CTNNA3: variants seen among roughly 807,000 people sequenced by gnomAD.
CTNNA3 encodes catenin alpha-3.
A neutral mutation model predicts 95.7 loss-of-function variants in CTNNA3; 76 were observed. The observed-to-expected ratio is 0.79, with a 90% confidence interval of 0.66 to 0.96. CTNNA3 has a LOEUF of 0.96. Ranked by LOEUF, CTNNA3 falls within the 40% of genes least tolerant of loss-of-function variation. The pLI is 0.00. For synonymous variants in CTNNA3, 431 were observed against 374.4 expected, an observed-to-expected ratio of 1.15 and a Z score of -1.74; for missense variants, 1,191 against 1,089.8, an observed-to-expected ratio of 1.09 and a Z score of -1.31.
chr10:66,425,447 T>A (rs182812167), intron 11 of CTNNA3, among the ~76,000 whole-genome samples: 1 of 152,044 alleles, frequency 6.6e-6, no homozygotes, highest in Admixed American at 6.6e-5. Context: ...TGCTCTCTTT[T>A]TTCCTTTTAT....
chr10:66,907,887 T>C (rs900667709), intron 7 of CTNNA3, among the ~76,000 whole-genome samples: 1 of 152,140 alleles, frequency 6.6e-6, no homozygotes, highest in Non-Finnish European at 1.5e-5. Flanking sequence ...AAGGCTATCA[T>C]AGGAACTGAC....
chr10:66,819,426 T>C (rs1233641114), intron 7 of CTNNA3, among the ~76,000 whole-genome samples: 2 of 152,100 alleles, frequency 1.3e-5, no homozygotes, highest in Admixed American at 6.5e-5. Context: ...TGGCTTTGGA[T>C]TAGTCAATAG....
At chr10:67,713,376 T>C (rs1841123657) in intron 1 of CTNNA3, among the ~76,000 whole-genome samples, 1 of 152,194 alleles carries the variant, frequency 6.6e-6, no homozygotes. Context: ...GACAGTGTGG[T>C]GATTCCTCAA....
intron 1 of CTNNA3, among the ~76,000 whole-genome samples, chr10:67,659,490 T>C (rs1388733380): frequency 2.0e-5 from 3 of 152,184 alleles, no homozygotes; most frequent in African/African-American, 7.2e-5. Flanking sequence ...TTGTACCATA[T>C]AAAAAGTATG....
rs551088951 is a variant in CTNNA3, at chr10:66,824,012, C to G, written c.1048-48488G>C. On this transcript the variant is annotated intron_variant, in intron 7 of 17. Transcript: ENST00000433211. ...AATGTGAATGTTCTTTCATTTGTCT[C>G]AAAGAAAGAAGAACCCTATAAATAT... Among the ~76,000 whole-genome samples the G allele has an allele frequency of 2.0e-4, 29 of 147,616 alleles. No individual in the cohort carries two copies. The South Asian group carries it at 6.2e-3, about 32-fold the overall frequency.
chr10:67,575,466 C>A (rs901131275), intron 3 of CTNNA3, among the ~76,000 whole-genome samples: 1 of 152,128 alleles, frequency 6.6e-6, no homozygotes, highest in African/African-American at 2.4e-5. Context: ...CAGATAATTT[C>A]CTCAAATTAT....
chr10:66,262,511 G>T (rs992986316), intron 13 of CTNNA3, among the ~76,000 whole-genome samples: 1 of 151,794 alleles, frequency 6.6e-6, no homozygotes, highest in Admixed American at 6.6e-5. Flanking sequence ...TTAACTAAGA[G>T]AACTTAATGT....
rs569965455 is a variant in CTNNA3 at position 66,977,370 on chromosome 10, A to G, written c.1048-201846T>C. ...AGGATTGCTTGAACCTGGGAAGCAG[A>G]GGTTGCAGTGAGCCAAGATCACGCC... On this transcript the variant is annotated intron_variant, in intron 7 of 17. Transcript: ENST00000433211. Among the ~76,000 whole-genome samples, 154 of 151,810 alleles carry G rather than the reference A, an allele frequency of 1.0e-3. 1 individual carries two copies. The highest frequency in any genetic ancestry group is 3.4e-3 in the African/African-American group (140 of 41,358).
At chr10:67,755,818 A>AG (rs1273814015) in intron 1 of CTNNA3, among the ~76,000 whole-genome samples, 90 of 151,174 alleles carry the variant, frequency 6.0e-4, no homozygotes, top group African/African-American at 1.9e-3. Context: ...AAAAAAAAAA[A>AG]AAAAGAAAGA....
At chr10:66,637,372 T>A (rs1389790638) in intron 9 of CTNNA3, among the ~76,000 whole-genome samples, 1 of 152,210 alleles carries the variant, frequency 6.6e-6, no homozygotes, top group African/African-American at 2.4e-5. Flanking sequence ...TCCATGCACA[T>A]CAGCCACATG....
At chr10:66,564,491 T>C (rs1842646386) in intron 10 of CTNNA3, among the ~76,000 whole-genome samples, 1 of 152,152 alleles carries the variant, frequency 6.6e-6, no homozygotes, top group African/African-American at 2.4e-5. Flanking sequence ...AAATAGAAAG[T>C]GATGATGCCA....
chr10:67,312,247 C>T (rs902045204), intron 5 of CTNNA3, among the ~76,000 whole-genome samples: 1 of 151,940 alleles, frequency 6.6e-6, no homozygotes, highest in African/African-American at 2.4e-5. Flanking sequence ...TAATTTTTGA[C>T]TTTTTGGTAG....
chr10:66,647,256 A>G (rs4746616), intron 9 of CTNNA3, among the ~76,000 whole-genome samples: 100,369 of 151,944 alleles, frequency 0.66, 34,004 homozygotes, highest in East Asian at 0.95. Context: ...TAATCATTCC[A>G]TCATTAATTT....
chr10:67,175,655 C>T (rs1296603718), intron 7 of CTNNA3, among the ~76,000 whole-genome samples: 2 of 152,148 alleles, frequency 1.3e-5, no homozygotes, highest in Non-Finnish European at 2.9e-5. Flanking sequence ...GCAGCATTAT[C>T]TCTCACTCAG....
At chr10:66,343,808 A>G (rs1358244733) in intron 12 of CTNNA3, among the ~76,000 whole-genome samples, 1 of 152,092 alleles carries the variant, frequency 6.6e-6, no homozygotes, top group Non-Finnish European at 1.5e-5. Context: ...CATTATATGT[A>G]TCGAATCATC....
intron 7 of CTNNA3, among the ~76,000 whole-genome samples, chr10:67,163,187 C>T (rs1184677671): frequency 2.0e-5 from 3 of 151,842 alleles, no homozygotes; most frequent in Non-Finnish European, 4.4e-5. Flanking sequence ...CAAATTAATA[C>T]TCTTCATTAA....
intron 16 of CTNNA3, among the ~76,000 whole-genome samples, chr10:65,969,187 C>A (rs1024988708): frequency 4.6e-5 from 7 of 151,538 alleles, no homozygotes; most frequent in African/African-American, 1.5e-4. Context: ...ACCCAGCATT[C>A]TCTAAAGTCA....
intron 7 of CTNNA3, among the ~76,000 whole-genome samples, chr10:67,056,499 G>C (rs1255254894): frequency 6.6e-6 from 1 of 152,128 alleles, no homozygotes; most frequent in Non-Finnish European, 1.5e-5. Flanking sequence ...GTGAAACCAA[G>C]ATCCACTCCT....
In CTNNA3 at chr10:66,690,737, G is replaced by T. The variant is rs996119959; in HGVS notation, c.1282-68953C>A. On this transcript the variant is annotated intron_variant, in intron 9 of 17. Coordinates refer to ENST00000433211, the MANE Select transcript of CTNNA3 (RefSeq NM_013266.4). ...CAGTCTATCGTTGTTGGACATTTGGGTTGGTTCCAAGTCTTTGCTATTGTG... is the reference window on the plus strand; with the variant it reads ...CAGTCTATCGTTGTTGGACATTTGGTTTGGTTCCAAGTCTTTGCTATTGTG... Among the ~76,000 whole-genome samples, 52 of 151,828 alleles carry T rather than the reference G, an allele frequency of 3.4e-4. 1 individual carries two copies. Among genetic ancestry groups the T allele is most frequent in the African/African-American group, 8.2e-4 (34 of 41,308 alleles).
Sources: allele counts gnomAD v4.1 joint callset (sites outside exome capture counted in the v4.1 genomes callset), GRCh38; gene constraint gnomAD v4.1.1; transcripts MANE v1.5; gene names NCBI Gene and HGNC (gene_info 2026-07-23, HGNC 2026-07-21).